The following KLK11 variants were observed in gnomAD, a reference collection of about 807,000 sequenced individuals.
The protein encoded by KLK11 is kallikrein-11.
KLK11 carries 10 observed loss-of-function variants against 23.4 expected under a neutral mutation model. The ratio of observed to expected loss-of-function variants is 0.43; its 90% confidence interval spans 0.26 to 0.73. The LOEUF is 0.73. Ranked by LOEUF, KLK11 falls within the 30% of genes least tolerant of loss-of-function variation. KLK11 has a pLI of 0.22. For synonymous variants in KLK11, 131 were observed against 131.7 expected (o/e 0.99, Z 0.03); for missense variants, 285 against 327.8 (o/e 0.87, Z 1.01).
At position 51,022,464 on chromosome 19, in the gene KLK11, G is replaced by C. The variant is rs2091415082; in HGVS notation, c.*81C>G. The C allele has an allele frequency of 6.5e-7, 1 of 1,548,478 alleles. No homozygotes were observed. Among genetic ancestry groups the C allele is most frequent in the South Asian group, 1.1e-5 (1 of 89,204 alleles). On this transcript the variant is annotated 3_prime_UTR_variant, in exon 6 of 6. Coordinates refer to ENST00000453757, the MANE Select transcript of KLK11 (RefSeq NM_001136032.3). ...AATGTTCGTAGAGGGTCTTGGCTTA[G>C]GGTTTCTTATTAACAGAGTGAACAG... is the stretch of plus-strand genomic sequence containing the variant.
At chr19:51,027,727 G>T, upstream of KLK11, 1 of 550,786 alleles carries the variant, frequency 1.8e-6, no homozygotes, top group Non-Finnish European at 3.2e-6. Flanking sequence ...GGGGACAAGG[G>T]ACTCCACCCC....
chr19:51,025,532 G>A lies in KLK11; in HGVS notation c.40+60C>T, dbSNP rs1261176895. On this transcript the variant is annotated intron_variant, in intron 2 of 5. Coordinates refer to ENST00000453757, the MANE Select transcript of KLK11 (RefSeq NM_001136032.3). This position sits in a 1 kb window ranked among gnomAD's most constrained non-coding sequence, Gnocchi z 6.2. ...CCCTGTCACTGTCCAGACACAGAGG[G>A]TTAGGGGATCCCAGAGATTCAAGAG... The A allele has an allele frequency of 8.4e-7, 1 of 1,196,638 alleles. No homozygotes were observed. Among genetic ancestry groups the A allele is most frequent in the Non-Finnish European group, 1.2e-6 (1 of 850,116 alleles). 74.1% of individuals were successfully genotyped at this position (1,196,638 alleles called of 1,614,324 possible). A position where few individuals can be genotyped will look rare whatever the true frequency, so the allele number is the denominator to read the frequency against.
At chr19:51,026,483 G>T in intron 1 of KLK11, 55 bp downstream of exon 1, 1 of 805,634 alleles carries the variant, frequency 1.2e-6, no homozygotes, top group Non-Finnish European at 1.5e-6. Flanking sequence ...GGTGTCCTTG[G>T]GGAGGGCTGA....
At position 51,024,218 on chromosome 19, in the gene KLK11, C is replaced by T; in HGVS notation, c.290G>A (p.Gly97Asp). ...RTATESFPHP[G>D]FNNSLPNKDH... ...TTTGTTGGGGAGGCTGTTGTTGAAG[C>T]CGGGGTGGGGGAAGGACTCAGTGGC... Residue 97 changes from glycine to aspartate, a missense_variant, in exon 4 of 6, where the codon GGC becomes GAC. By Grantham distance (94) the Gly-to-Asp change is moderately conservative. Coordinates refer to ENST00000453757, the MANE Select transcript of KLK11 (RefSeq NM_001136032.3). This position sits in a 1 kb window ranked among gnomAD's most constrained non-coding sequence, Gnocchi z 6.2. 6.2e-7 allele frequency: 1 copy of T among 1,614,018 alleles called. No individual in the cohort carries two copies. Among genetic ancestry groups the T allele is most frequent in the South Asian group, 1.1e-5 (1 of 91,070 alleles).
upstream of KLK11, chr19:51,027,703 T>A: frequency 1.7e-6 from 1 of 593,830 alleles, no homozygotes; most frequent in Non-Finnish European, 3.0e-6. Context: ...CTACTATGAC[T>A]ACCCTTATGA....
At chr19:51,026,884 C>T (rs1287955823), upstream of KLK11, 1 of 154,882 alleles carries the variant, frequency 6.5e-6, no homozygotes, top group Non-Finnish European at 1.5e-5. Context: ...GTGTCTCGTT[C>T]TATGTGTCAT....
intron 5 of KLK11, 112 bp from the exon 6 acceptor site, chr19:51,022,809 C>T: frequency 8.3e-6 from 10 of 1,207,526 alleles, no homozygotes; most frequent in Non-Finnish European, 1.2e-5. Context: ...TGGGTAGGCA[C>T]TGGGAAAGGT....
Position 51,024,067 on chromosome 19 carries a change from C to G in KLK11, c.441G>C (p.Trp147Cys), listed in dbSNP as rs1241808052. 6.4e-7 allele frequency: 1 copy of G among 1,551,356 alleles called. No individual in the cohort carries two copies. The highest frequency in any genetic ancestry group is 8.7e-7 in the Non-Finnish European group (1 of 1,143,918). The part of the protein sequence containing the change: ...TAGTSCLISG[W>C]GSTSSPQLRL... ...TACACTGGGGGCTGGACGTGCTGCC[C>G]CAGCCGGAAATGAGGCAGCTGGTGC... The change falls in exon 4 of 6, where the codon TGG becomes TGC. Residue 147 changes from tryptophan to cysteine, a missense_variant. Transcript: ENST00000453757. The surrounding 1 kb of genome is among the most constrained non-coding windows in gnomAD (Gnocchi z 6.2).
At position 51,025,397 on chromosome 19, in the gene KLK11, G is replaced by A. The variant is rs1417766591; in HGVS notation, c.40+195C>T. On this transcript the variant is annotated intron_variant, in intron 2 of 5. Coordinates refer to ENST00000453757, the MANE Select transcript of KLK11 (RefSeq NM_001136032.3). This position sits in a 1 kb window ranked among gnomAD's most constrained non-coding sequence, Gnocchi z 6.2. Reference sequence around the variant, plus strand: ...CCACGGGACCCTTTACGACCCCCTTGACCTCTCCTCCTTTGGCATTTAAAG... The same window carrying A: ...CCACGGGACCCTTTACGACCCCCTTAACCTCTCCTCCTTTGGCATTTAAAG... 2.6e-5 allele frequency among the ~76,000 whole-genome samples: 4 copies of A among 152,084 alleles called. No individual in the cohort carries two copies. Among genetic ancestry groups the A allele is most frequent in the Admixed American group, 6.5e-5 (1 of 15,274 alleles).
At position 51,025,912 on chromosome 19, in the gene KLK11, A is replaced by C; in HGVS notation, c.-35-246T>G. 1 of 339,162 alleles carries C rather than the reference A, an allele frequency of 2.9e-6. No individual in the cohort carries two copies. Among genetic ancestry groups the C allele is most frequent in the Non-Finnish European group, 5.3e-6 (1 of 187,194 alleles). The allele number at this position is 339,162 out of a possible 1,614,324, so 21.0% of individuals were successfully genotyped here. A position where few individuals can be genotyped will look rare whatever the true frequency, so the allele number is the denominator to read the frequency against. ...AGAAGCTTCCGAGATACCAAGAACC[A>C]TGTGGAAGTCGTTGGGAGGGGCTTT... On this transcript the variant is annotated intron_variant, in intron 1 of 5. Coordinates refer to ENST00000453757, the MANE Select transcript of KLK11 (RefSeq NM_001136032.3). This position sits in a 1 kb window ranked among gnomAD's most constrained non-coding sequence, Gnocchi z 6.2.
rs145979212 is a variant in KLK11 at position 51,024,688 on chromosome 19, C to T, written c.147G>A (p.Ala49=). ...LFEKTRLLCG[A]TLIAPRWLLT... is the part of the protein sequence containing the mutation. ...GGAGCCATCTGGGGGCGATGAGCGT[C>T]GCCCCACAGAGTAGCCGCGTCTTCT... The change falls in exon 3 of 6, where the codon GCG becomes GCA. Residue 49 remains alanine (A), a synonymous_variant. Transcript: ENST00000453757. This position sits in a 1 kb window ranked among gnomAD's most constrained non-coding sequence, Gnocchi z 6.2. 1,829 of 1,601,542 alleles carry T rather than the reference C, an allele frequency of 1.1e-3. 8 individuals are homozygous for T. Among genetic ancestry groups the T allele is most frequent in the Middle Eastern group, 5.5e-3 (33 of 6,022 alleles).
intron 4 of KLK11, chr19:51,023,509 C>T (rs1199810033): frequency 2.2e-5 from 7 of 317,712 alleles, no homozygotes; most frequent in Admixed American, 4.6e-5. Context: ...CTCAACCTCC[C>T]GAGTAGCTGG....
intron 1 of KLK11, among the ~76,000 whole-genome samples, chr19:51,026,270 C>T (rs372656964): frequency 3.9e-5 from 6 of 151,928 alleles, no homozygotes; most frequent in African/African-American, 1.2e-4. Context: ...CGGGGCTGGT[C>T]GAGGGGAGGG....
At chr19:51,026,433 A>G in intron 1 of KLK11, 105 bp downstream of exon 1, 3 of 354,520 alleles carry the variant, frequency 8.5e-6, no homozygotes, top group Non-Finnish European at 1.2e-5. Context: ...CAAGCAGAGA[A>G]GGACAGAGCA....
chr19:51,023,935 T>C (rs1488431184), intron 4 of KLK11, 110 bp downstream of exon 4: 3 of 993,504 alleles, frequency 3.0e-6, no homozygotes, highest in Non-Finnish European at 1.4e-6. Flanking sequence ...TCCTCTCAAC[T>C]TATCCCACAT....
In KLK11 at chr19:51,023,947, G is replaced by A. The variant is rs541542474; in HGVS notation, c.463+98C>T. On this transcript the variant is annotated intron_variant, in intron 4 of 5. Transcript: ENST00000453757. The stretch of plus-strand genomic sequence containing the variant: ...ACATCCTCTCAACTTATCCCACATC[G>A]TCACTGTGAACCGCATCTCTGATGC... The A allele has an allele frequency of 3.5e-5, 37 of 1,045,004 alleles. 1 individual carries two copies. In the South Asian group the frequency reaches 4.8e-4, roughly 14 times the overall value. 64.7% of individuals were successfully genotyped at this position (1,045,004 alleles called of 1,614,324 possible). A position where few individuals can be genotyped will look rare whatever the true frequency, so the allele number is the denominator to read the frequency against.
Position 51,024,607 on chromosome 19 carries a change from A to G in KLK11, c.197+31T>C, listed in dbSNP as rs919461759. 29 of 818,042 alleles carry G rather than the reference A, an allele frequency of 3.5e-5. No homozygotes were observed. In the African/African-American group the frequency reaches 4.6e-4, roughly 13 times the overall value. 50.7% of individuals were successfully genotyped at this position (818,042 alleles called of 1,614,324 possible). ...TCCATCTCCCCATTCCCAGCCCCCC[A>G]CCCCGGCACCGCCCCAGCCCCCGCA... On this transcript the variant is annotated intron_variant, in intron 3 of 5. Transcript: ENST00000453757. The surrounding 1 kb of genome is among the most constrained non-coding windows in gnomAD (Gnocchi z 6.2).
upstream of KLK11, chr19:51,026,709 T>C (rs2091491889): frequency 3.2e-6 from 2 of 618,734 alleles, no homozygotes; most frequent in Non-Finnish European, 2.0e-6. Context: ...CCTGCCTTAA[T>C]GCCCCGGGGC....
Position 51,025,786 on chromosome 19 carries a change from G to C in KLK11, c.-35-120C>G. 5.8e-6 allele frequency: 3 copies of C among 515,078 alleles called. No individual in the cohort carries two copies. Among genetic ancestry groups the C allele is most frequent in the South Asian group, 2.9e-5 (1 of 34,458 alleles). 31.9% of individuals were successfully genotyped at this position (515,078 alleles called of 1,614,324 possible). ...CCCGCTCCCCACTTGGGAGAAACAAGGTTGGGGAAATCCCCTGTTTCTCAC... is the reference window on the plus strand; with the variant it reads ...CCCGCTCCCCACTTGGGAGAAACAACGTTGGGGAAATCCCCTGTTTCTCAC... On this transcript the variant is annotated intron_variant, in intron 1 of 5. Coordinates refer to ENST00000453757, the MANE Select transcript of KLK11 (RefSeq NM_001136032.3). The surrounding 1 kb of genome is among the most constrained non-coding windows in gnomAD (Gnocchi z 6.2).
Sources: gnomAD v4.1 joint callset for allele counts (sites outside exome capture counted in the v4.1 genomes callset) on GRCh38, gnomAD v4.1.1 for gene constraint, Gnocchi (gnomAD v3.1) non-coding constraint, MANE v1.5 for transcripts, NCBI Gene and HGNC (gene_info 2026-07-23, HGNC 2026-07-21) for gene names.